The following LINGO2 variants were observed in gnomAD, a reference collection of about 807,000 sequenced individuals.
The protein encoded by LINGO2 is leucine-rich repeat and immunoglobulin-like domain-containing nogo receptor-interacting protein 2.
LINGO2 carries 14 observed loss-of-function variants against 30.6 expected under a neutral mutation model. The ratio of observed to expected loss-of-function variants is 0.46; its 90% CI spans 0.30 to 0.72. The LOEUF is 0.72. LINGO2 is among the 30% of genes least tolerant of loss of function. The pLI is 0.07. For missense variants in LINGO2, 729 were observed against 751.7 expected, an observed-to-expected ratio of 0.97 and a Z score of 0.35; for synonymous variants, 317 against 288.5, an observed-to-expected ratio of 1.10 and a Z score of -1.00.
chr9:28,234,434 A>G (rs745881960), intron 4 of LINGO2, among the ~76,000 whole-genome samples: 6 of 152,176 alleles, frequency 3.9e-5, no homozygotes, highest in Non-Finnish European at 8.8e-5. Flanking sequence ...GATGCAAAGT[A>G]TTGTTCTTGG....
At chr9:28,154,092 T>G (rs552413959) in intron 4 of LINGO2, among the ~76,000 whole-genome samples, 2 of 152,314 alleles carry the variant, frequency 1.3e-5, no homozygotes, top group Admixed American at 1.3e-4. Context: ...GCTATAGCTC[T>G]GACAACCATC....
chr9:28,858,756 C>A, the LINGO2 span, among the ~76,000 whole-genome samples: 1 of 152,102 alleles, frequency 6.6e-6, no homozygotes, highest in South Asian at 2.1e-4. Context: ...TCATGATAAA[C>A]CCCAGATAAA....
chr9:29,080,393 G>A, the LINGO2 span, among the ~76,000 whole-genome samples: 1 of 151,566 alleles, frequency 6.6e-6, no homozygotes, highest in African/African-American at 2.4e-5. Flanking sequence ...CAAAAAACCA[G>A]CTCCTGGATT....
At position 28,164,776 on chromosome 9, in the gene LINGO2, C is replaced by T. The variant is rs550739885; in HGVS notation, c.-87+130432G>A. Among the ~76,000 whole-genome samples, 8 of 152,234 alleles carry T rather than the reference C, an allele frequency of 5.3e-5. 1 individual carries two copies. In the East Asian group the frequency reaches 7.7e-4, roughly 15 times the overall value. On this transcript the variant is annotated intron_variant, in intron 4 of 5. Coordinates refer to ENST00000379992, the Ensembl canonical transcript of LINGO2. The stretch of plus-strand genomic sequence containing the variant: ...TCAGGGTAAGTTATTGGTGTCTTCC[C>T]GGTTGGTTCCAGCCCCCATTCTTGA...
intron 1 of LINGO2, among the ~76,000 whole-genome samples, chr9:28,585,888 A>C (rs568552741): frequency 1.1e-4 from 16 of 152,120 alleles, no homozygotes; most frequent in Non-Finnish European, 8.8e-5. Context: ...GAATCATCTC[A>C]GTTGTGGCTC....
At chr9:28,038,692 CAAA>C (rs35216202) in intron 4 of LINGO2, among the ~76,000 whole-genome samples, 30 of 118,854 alleles carry the variant, frequency 2.5e-4, no homozygotes, top group Admixed American at 5.1e-4. Flanking sequence ...GACTCCGTCT[CAAA>C]AAAAAAAAAA....
At chr9:28,939,111 T>C in the LINGO2 span, among the ~76,000 whole-genome samples, 5 of 152,206 alleles carry the variant, frequency 3.3e-5, no homozygotes, top group African/African-American at 4.8e-5. Context: ...AGAACACATA[T>C]AGTGCAAGAA....
At position 28,562,842 on chromosome 9, in the gene LINGO2, G is replaced by GTATT. The variant is rs761091436; in HGVS notation, c.-364-86821_-364-86818dup. 4.5e-3 allele frequency among the ~76,000 whole-genome samples: 686 copies of GTATT among 151,820 alleles called. 1 individual carries two copies. Among genetic ancestry groups the GTATT allele is most frequent in the Non-Finnish European group, 6.9e-3 (469 of 67,960 alleles). ...GAATAAAACTTATTTATTTATTTGT[G>GTATT]TATTTATTTATTTATTTATTTTGGG... On this transcript the variant is annotated intron_variant, in intron 1 of 5. Coordinates refer to ENST00000379992, the Ensembl canonical transcript of LINGO2.
chr9:28,827,468 C>T, the LINGO2 span, among the ~76,000 whole-genome samples: 1 of 152,202 alleles, frequency 6.6e-6, no homozygotes, highest in South Asian at 2.1e-4. Flanking sequence ...CCTCAGTTTC[C>T]ACATCTTTAA....
At chr9:28,228,988 A>G (rs1003532195) in intron 4 of LINGO2, among the ~76,000 whole-genome samples, 1 of 151,738 alleles carries the variant, frequency 6.6e-6, no homozygotes, top group Non-Finnish European at 1.5e-5. Flanking sequence ...GGTTGTACTC[A>G]TATAAGCATC....
At chr9:28,378,069 C>T (rs7025911) in intron 2 of LINGO2, among the ~76,000 whole-genome samples, 150,137 of 152,332 alleles carry the variant, frequency 0.99, 74,024 homozygotes, top group Middle Eastern at 1. Flanking sequence ...TCTATTTAAG[C>T]ATTTGTGGCA....
At chr9:29,103,566 A>G in the LINGO2 span, among the ~76,000 whole-genome samples, 1 of 151,992 alleles carries the variant, frequency 6.6e-6, no homozygotes, top group Non-Finnish European at 1.5e-5. Context: ...TTTTAAATAT[A>G]TTTCTTTATT....
At chr9:28,650,843 G>A (rs1211510683) in intron 1 of LINGO2, among the ~76,000 whole-genome samples, 1 of 152,134 alleles carries the variant, frequency 6.6e-6, no homozygotes, top group Non-Finnish European at 1.5e-5. Context: ...GCAAGTAATA[G>A]CCCTTTGTTT....
chr9:28,249,259 C>T (rs1231290872), intron 4 of LINGO2, among the ~76,000 whole-genome samples: 1 of 152,054 alleles, frequency 6.6e-6, no homozygotes, highest in African/African-American at 2.4e-5. Flanking sequence ...AAACTCTCTA[C>T]AGTAATTAAA....
intron 5 of LINGO2, among the ~76,000 whole-genome samples, chr9:27,951,476 T>A (rs1362471758): frequency 1.3e-5 from 2 of 152,142 alleles, no homozygotes; most frequent in Non-Finnish European, 2.9e-5. Context: ...TATTGAGGAA[T>A]GGGAAGATAA....
the LINGO2 span, among the ~76,000 whole-genome samples, chr9:29,101,748 C>G: frequency 1.3e-5 from 2 of 152,180 alleles, no homozygotes; most frequent in Non-Finnish European, 2.9e-5. Flanking sequence ...CAGGATCTCA[C>G]TCTTTTTTAT....
At chr9:28,227,380 G>C (rs1821206800) in intron 4 of LINGO2, among the ~76,000 whole-genome samples, 1 of 151,926 alleles carries the variant, frequency 6.6e-6, no homozygotes, top group African/African-American at 2.4e-5. Context: ...ACTTCTTTTT[G>C]CTATTTTCCT....
intron 3 of LINGO2, among the ~76,000 whole-genome samples, chr9:28,371,947 A>G (rs150834686): frequency 1.3e-5 from 2 of 152,272 alleles, no homozygotes; most frequent in Admixed American, 1.3e-4. Context: ...GTGCTGGAGC[A>G]AGGGGTAGGG....
At chr9:28,397,117 T>C (rs537394076) in intron 2 of LINGO2, among the ~76,000 whole-genome samples, 7 of 152,058 alleles carry the variant, frequency 4.6e-5, no homozygotes, top group Non-Finnish European at 1.0e-4. Context: ...TCCTTCCTAA[T>C]AATCCTGGAC....
Sources: gnomAD v4.1 joint callset for allele counts (sites outside exome capture counted in the v4.1 genomes callset) on GRCh38, gnomAD v4.1.1 for gene constraint, MANE v1.5 for transcripts, NCBI Gene and HGNC (gene_info 2026-07-23, HGNC 2026-07-21) for gene names.